The following FBLN5 variants were observed in gnomAD, a reference collection of about 807,000 sequenced individuals.
FBLN5 encodes fibulin-5.
A neutral mutation model predicts 61.6 loss-of-function variants in FBLN5; 24 were observed. The ratio of observed to expected loss-of-function variants is 0.39; its 90% CI spans 0.28 to 0.55. The LOEUF is 0.55. Ranked by LOEUF, FBLN5 falls within the 20% of genes least tolerant of loss-of-function variation. The pLI is 0.65. For missense variants in FBLN5, 470 were observed against 594.1 expected, an observed-to-expected ratio of 0.79 and a Z score of 2.17; for synonymous variants, 213 against 219.8, an observed-to-expected ratio of 0.97 and a Z score of 0.27.
At chr14:91,878,047 A>C (rs1252568190) in intron 9 of FBLN5, 3 of 424,308 alleles carry the variant, frequency 7.1e-6, no homozygotes, top group Non-Finnish European at 1.4e-5. Context: ...CAAAAAAACA[A>C]AACAAAAAAA....
intron 4 of FBLN5, among the ~76,000 whole-genome samples, chr14:91,901,354 C>G (rs74950493): frequency 0.025 from 3,878 of 152,218 alleles, 66 homozygotes; most frequent in Non-Finnish European, 0.037. Flanking sequence ...TTTCCAAGAG[C>G]CCTTGGAAGA....
chr14:91,933,122 G>A (rs2055954924), intron 4 of FBLN5, among the ~76,000 whole-genome samples: 1 of 152,208 alleles, frequency 6.6e-6, no homozygotes, highest in African/African-American at 2.4e-5. Context: ...GGACTGCAGG[G>A]ATTCTTCTGG....
rs938916730 is a variant in FBLN5 at position 91,940,616 on chromosome 14, C to G, written c.73G>C (p.Ala25Pro). The change falls in exon 3 of 11, where the codon GCA becomes CCA. Residue 25 changes from alanine (A) to proline (P), a missense_variant and splice_region_variant. Physicochemically the swap from Ala to Pro is conservative, Grantham distance 27 (BLOSUM62 -1). Transcript: ENST00000342058. ...AGGTCAAAGCCATTCGTGCACTGTG[C>G]CTGCAGGGAAGGAGAGAGGAGAAAC... Reference protein sequence around the residue: ...LCLPSPGNAQAQCTNGFDLDR... With the variant: ...LCLPSPGNAQPQCTNGFDLDR... 6 of 1,613,668 alleles carry G rather than the reference C, an allele frequency of 3.7e-6. No homozygotes were observed. The highest frequency in any genetic ancestry group is 2.7e-5 in the African/African-American group (2 of 74,884).
chr14:91,923,533 G>C (rs1379396169), intron 4 of FBLN5, among the ~76,000 whole-genome samples: 1 of 152,180 alleles, frequency 6.6e-6, no homozygotes, highest in African/African-American at 2.4e-5. Context: ...TGCCCATGCT[G>C]TTCCCTAACC....
At chr14:91,899,433 C>G (rs988787514) in intron 4 of FBLN5, among the ~76,000 whole-genome samples, 3 of 152,238 alleles carry the variant, frequency 2.0e-5, no homozygotes, top group African/African-American at 7.2e-5. Flanking sequence ...CTCCCAGAAC[C>G]TGGAAAAGCC....
intron 4 of FBLN5, among the ~76,000 whole-genome samples, chr14:91,898,272 C>T (rs1457599700): frequency 6.6e-6 from 1 of 151,976 alleles, no homozygotes; most frequent in Non-Finnish European, 1.5e-5. Context: ...ATGCTGTGTC[C>T]CTGGTAATGT....
intron 4 of FBLN5, among the ~76,000 whole-genome samples, chr14:91,906,826 C>T (rs1311148551): frequency 6.6e-6 from 1 of 152,220 alleles, no homozygotes; most frequent in Non-Finnish European, 1.5e-5. Flanking sequence ...AATGCCTCTG[C>T]TCAGGAGTCA....
At chr14:91,908,225 C>T (rs1019034660) in intron 4 of FBLN5, among the ~76,000 whole-genome samples, 17 of 152,232 alleles carry the variant, frequency 1.1e-4, no homozygotes, top group African/African-American at 3.6e-4. Flanking sequence ...CTGCACACCT[C>T]CCGTTCTTGA....
intron 7 of FBLN5, 139 bp downstream of exon 7, chr14:91,887,054 C>G: frequency 2.2e-6 from 2 of 897,142 alleles, no homozygotes; most frequent in Non-Finnish European, 1.8e-6. Flanking sequence ...TGATTCTGAC[C>G]CCACTGCCCT....
At chr14:91,900,867 T>C (rs1273265873) in intron 4 of FBLN5, among the ~76,000 whole-genome samples, 1 of 152,212 alleles carries the variant, frequency 6.6e-6, no homozygotes, top group Non-Finnish European at 1.5e-5. Flanking sequence ...CTCTGCCTCC[T>C]GCAGATGCTG....
intron 4 of FBLN5, among the ~76,000 whole-genome samples, chr14:91,908,739 T>G (rs1295984632): frequency 2.0e-5 from 3 of 152,170 alleles, no homozygotes; most frequent in Non-Finnish European, 4.4e-5. Context: ...CCAACCCAGT[T>G]AAATCAGAAC....
In FBLN5 at chr14:91,937,053, C is replaced by T. The variant is rs368771780; in HGVS notation, c.273G>A (p.Pro91=). 88 of 1,613,734 alleles carry T rather than the reference C, an allele frequency of 5.5e-5. No homozygotes were observed. Among genetic ancestry groups the T allele is most frequent in the Admixed American group, 1.8e-4 (11 of 59,966 alleles). ...SNPYSTPYSG[P]YPAAAPPLSA... ...AGAGTGGTGGGGCAGCTGCTGGGTA[C>T]GGACCTGAGTAGGGGGTCGAGTAGG... is the stretch of plus-strand genomic sequence containing the variant. The change falls in exon 4 of 11, where the codon CCG becomes CCA. Residue 91 remains proline, a synonymous_variant. Coordinates refer to ENST00000342058, the MANE Select transcript of FBLN5 (RefSeq NM_006329.4).
intron 2 of FBLN5, 86 bp from the exon 3 acceptor site, chr14:91,940,702 G>T: frequency 5.8e-6 from 7 of 1,212,568 alleles, no homozygotes; most frequent in Admixed American, 1.9e-5. Flanking sequence ...TTGGGGAAAT[G>T]GAGCAAAAAA....
chr14:91,891,143 A>G, intron 6 of FBLN5, 78 bp downstream of exon 6: 6 of 851,088 alleles, frequency 7.0e-6, no homozygotes, highest in Non-Finnish European at 1.2e-5. Context: ...ATTTCCCACA[A>G]ACATAAGCTG....
Position 91,882,845 on chromosome 14 carries a change from A to G in FBLN5, c.862+109T>C. ...ACCCACTCACACCCCCACCCCTGCC[A>G]CCTTCCCAAAGCTGCACATGATTCC... On this transcript the variant is annotated intron_variant, in intron 8 of 10. Transcript: ENST00000342058. The surrounding 1 kb of genome is among the most constrained non-coding windows in gnomAD (Gnocchi z 4.9). 1.5e-6 allele frequency: 2 copies of G among 1,331,462 alleles called. No individual in the cohort carries two copies. The highest frequency in any genetic ancestry group is 1.9e-5 in the Admixed American group (1 of 51,750). 82.5% of individuals were successfully genotyped at this position (1,331,462 alleles called of 1,614,324 possible).
intron 4 of FBLN5, among the ~76,000 whole-genome samples, chr14:91,915,686 C>CAAAAAAAAAAAAAAAAAAA (rs34675184): frequency 2.3e-5 from 1 of 43,736 alleles, no homozygotes. Flanking sequence ...GACTCCATCT[C>CAAAAAAAAAAAAAAAAAAA]AAAAAAAAAA....
intron 8 of FBLN5, 70 bp from the exon 9 acceptor site, chr14:91,881,488 T>C: frequency 6.4e-7 from 1 of 1,570,864 alleles, no homozygotes; most frequent in Non-Finnish European, 8.7e-7. Flanking sequence ...GGGGGTGGGG[T>C]AGGCTGGATC....
chr14:91,942,257 T>C (rs1479634328), intron 2 of FBLN5: 3 of 448,238 alleles, frequency 6.7e-6, no homozygotes, highest in African/African-American at 6.0e-5. Flanking sequence ...CCCACCCCCT[T>C]CTTACTCCTC....
chr14:91,946,331 A>G (rs751224699), intron 1 of FBLN5, among the ~76,000 whole-genome samples: 13 of 152,032 alleles, frequency 8.6e-5, no homozygotes, highest in Non-Finnish European at 1.5e-4. Context: ...CTATAAGAAT[A>G]GCTGGGGGGA....
Sources: allele counts gnomAD v4.1 joint callset (sites outside exome capture counted in the v4.1 genomes callset), GRCh38; gene constraint gnomAD v4.1.1; non-coding constraint Gnocchi (gnomAD v3.1); transcripts MANE v1.5; gene names NCBI Gene and HGNC (gene_info 2026-07-23, HGNC 2026-07-21).